The following LRPAP1 variants were observed in gnomAD, a reference collection of about 807,000 sequenced individuals.
LRPAP1 encodes LDL receptor related protein associated protein 1.
A neutral mutation model predicts 39.9 loss-of-function variants in LRPAP1; 41 were observed. That is an observed-to-expected ratio of 1.03 (90% confidence interval 0.80 to 1.33). The LOEUF (loss-of-function observed/expected upper bound fraction) is 1.33, where lower values mean the gene tolerates loss of function less well. Among genes scored for constraint, LRPAP1 ranks in the 40% most tolerant of loss-of-function variants. The probability of loss-of-function intolerance (pLI) is 0.00; values close to 1 mark genes in which losing one functional copy is unlikely to be tolerated. For missense variants in LRPAP1, 565 were observed against 482.3 expected (o/e 1.17, Z -1.61); for synonymous variants, 263 against 212.7 (o/e 1.24, Z -2.06).
At position 3,506,368 on chromosome 4, in the gene LRPAP1, A is replaced by T. The variant is rs1453490375; in HGVS notation, c.*6606T>A. ...GGCGGGAGCCACCCACACTTGGCTC[A>T]AGCTGGGTTTTTTTTTTTTTTTGAG... On this transcript the variant is annotated 3_prime_UTR_variant, in exon 8 of 8. Transcript: ENST00000650182. The T allele has an allele frequency of 7.1e-6, 1 of 141,066 alleles. No homozygotes were observed. Among genetic ancestry groups the T allele is most frequent in the Non-Finnish European group, 1.5e-5 (1 of 65,972 alleles). The allele number at this position is 141,066 out of a possible 1,614,324, so 8.7% of individuals were successfully genotyped here. A position where few individuals can be genotyped will look rare whatever the true frequency, so the allele number is the denominator to read the frequency against.
rs769044181 is a variant in LRPAP1, at chr4:3,509,023, C to T, written c.*3951G>A. On this transcript the variant is annotated 3_prime_UTR_variant, in exon 8 of 8. Transcript: ENST00000650182. ...CCATGGCCAAGGCGGGAGTTTAGGGCACAGGATTAAAGCACCACGCACAGG... is the reference window on the plus strand; with the variant it reads ...CCATGGCCAAGGCGGGAGTTTAGGGTACAGGATTAAAGCACCACGCACAGG... 4 of 152,246 alleles carry T rather than the reference C, an allele frequency of 2.6e-5. No homozygotes were observed. Among genetic ancestry groups the T allele is most frequent in the Admixed American group, 6.5e-5 (1 of 15,286 alleles). The allele number at this position is 152,246 out of a possible 1,614,324, so 9.4% of individuals were successfully genotyped here.
chr4:3,504,680 G>A lies in LRPAP1; in HGVS notation c.*8294C>T, dbSNP rs1227848216. Among the ~76,000 whole-genome samples the A allele has an allele frequency of 2.6e-5, 4 of 151,032 alleles. No individual in the cohort carries two copies. Among genetic ancestry groups the A allele is most frequent in the Non-Finnish European group, 5.9e-5 (4 of 67,896 alleles). On this transcript the variant is annotated 3_prime_UTR_variant, in exon 8 of 8. Transcript: ENST00000650182. ...CAGGAGAATTTCTTGAACCCAGGAG[G>A]TGGAGGTTGCAGTGAGCCAAGATTG...
chr4:3,526,870 C>A (rs553779436), intron 1 of LRPAP1, among the ~76,000 whole-genome samples: 1 of 152,324 alleles, frequency 6.6e-6, no homozygotes, highest in South Asian at 2.1e-4. Flanking sequence ...GAAGCCCAGC[C>A]TGACTCTGTG....
In LRPAP1 at chr4:3,512,681, GAC is replaced by G. The variant is rs1215862414; in HGVS notation, c.*291_*292del. 8.9e-6 allele frequency: 4 copies of G among 450,482 alleles called. No individual in the cohort carries two copies. The East Asian group carries it at 1.5e-4, about 17-fold the overall frequency. 27.9% of individuals were successfully genotyped at this position (450,482 alleles called of 1,614,324 possible). ...GTTTTAGCAGAGGACTATCAGACCT[GAC>G]AGCAGCTGGACATCGAGGTCCTCAC... On this transcript the variant is annotated 3_prime_UTR_variant, in exon 8 of 8. Coordinates refer to ENST00000650182, the MANE Select transcript of LRPAP1 (RefSeq NM_002337.4).
chr4:3,521,392 T>C (rs538872406), intron 2 of LRPAP1, among the ~76,000 whole-genome samples: 2 of 152,288 alleles, frequency 1.3e-5, no homozygotes. Flanking sequence ...CCTTCACCCG[T>C]GACCCTACTG....
At position 3,504,487 on chromosome 4, in the gene LRPAP1, T is replaced by C. The variant is rs6836064; in HGVS notation, c.*8487A>G. 0.073 allele frequency: 11,129 copies of C among 152,000 alleles called. 1,245 individuals carry two copies. Among genetic ancestry groups the C allele is most frequent in the African/African-American group, 0.24 (10,073 of 41,380 alleles). The allele number at this position is 152,000 out of a possible 1,614,324, so 9.4% of individuals were successfully genotyped here. ...AAATTAGGCCAGGCATGGTGGCTCA[T>C]GCCTACAATCCCAGCACTTTGGGAG... On this transcript the variant is annotated 3_prime_UTR_variant, in exon 8 of 8. Transcript: ENST00000650182.
In LRPAP1 at chr4:3,524,909, T is replaced by C. The variant is rs34897511; in HGVS notation, c.347A>G (p.Asn116Ser). The change falls in exon 2 of 8, where the codon AAT becomes AGT. Residue 116 changes from asparagine (N) to serine (S), a missense_variant and splice_region_variant. By Grantham distance (46) the Asn-to-Ser change is conservative. Transcript: ENST00000650182. ...EKEARLIRNLNVILAKYGLDG... is the reference protein window; with the variant it reads ...EKEARLIRNLSVILAKYGLDG... ...CATTAGGAAAGAAACAAACGTACCA[T>C]TGAGGTTGCGTATGAGTCTCGCTTC... 2.1e-5 allele frequency: 34 copies of C among 1,614,054 alleles called. No individual in the cohort carries two copies. The highest frequency in any genetic ancestry group is 8.9e-5 in the East Asian group (4 of 44,906).
rs1286240908 is a variant in LRPAP1 at position 3,507,379 on chromosome 4, A to C, written c.*5595T>G. The C allele has an allele frequency of 1.3e-5, 2 of 152,262 alleles. No individual in the cohort carries two copies. Among genetic ancestry groups the C allele is most frequent in the Admixed American group, 1.3e-4 (2 of 15,292 alleles). 9.4% of individuals were successfully genotyped at this position (152,262 alleles called of 1,614,324 possible). On this transcript the variant is annotated 3_prime_UTR_variant, in exon 8 of 8. Coordinates refer to ENST00000650182, the MANE Select transcript of LRPAP1 (RefSeq NM_002337.4). ...CAAGTTACTACAAAACGAAAACAAA[A>C]GAATCAAATGGATTTAATTGTCTTT...
At chr4:3,531,430 G>A (rs1730249351) in intron 1 of LRPAP1, among the ~76,000 whole-genome samples, 1 of 152,222 alleles carries the variant, frequency 6.6e-6, no homozygotes, top group Admixed American at 6.5e-5. Flanking sequence ...ATGAGATAAT[G>A]AGGCCCAGAT....
intron 2 of LRPAP1, 178 bp from the exon 3 acceptor site, chr4:3,520,371 C>T (rs778132238): frequency 1.1e-5 from 7 of 653,066 alleles, no homozygotes; most frequent in South Asian, 2.0e-5. Context: ...TGTAAACAAG[C>T]GTGGGGTCTG....
chr4:3,523,917 C>T (rs555365396), intron 2 of LRPAP1, among the ~76,000 whole-genome samples: 11 of 147,828 alleles, frequency 7.4e-5, no homozygotes, highest in African/African-American at 1.5e-4. Flanking sequence ...GAGGAGGAAA[C>T]GGAGGTGGGG....
intron 1 of LRPAP1, among the ~76,000 whole-genome samples, chr4:3,526,614 C>G (rs547486316): frequency 2.0e-5 from 3 of 152,208 alleles, no homozygotes; most frequent in Non-Finnish European, 4.4e-5. Context: ...TCAGGAGGCC[C>G]AGCCCTCAGG....
In LRPAP1 at chr4:3,518,103, G is replaced by C; in HGVS notation, c.682C>G (p.Leu228Val). The C allele has an allele frequency of 1.2e-6, 2 of 1,613,516 alleles. No individual in the cohort carries two copies. The highest frequency in any genetic ancestry group is 1.7e-6 in the Non-Finnish European group (2 of 1,179,990). ...TCCAGGCCCTGGTTGATGCTGCGCAGCTTCTCCTTCAGCTCCGTGTGCCTG... is the reference window on the plus strand; with the variant it reads ...TCCAGGCCCTGGTTGATGCTGCGCACCTTCTCCTTCAGCTCCGTGTGCCTG... ...HSRHTELKEK[L>V]RSINQGLDRL... The change falls in exon 5 of 8, where the codon CTG becomes GTG. Residue 228 changes from leucine (L) to valine (V), a missense_variant. Physicochemically the swap from Leu to Val is conservative, Grantham distance 32. Coordinates refer to ENST00000650182, the MANE Select transcript of LRPAP1 (RefSeq NM_002337.4).
chr4:3,527,708 G>T (rs953165515), intron 1 of LRPAP1, among the ~76,000 whole-genome samples: 1 of 152,196 alleles, frequency 6.6e-6, no homozygotes, highest in African/African-American at 2.4e-5. Flanking sequence ...GAGGATGCAG[G>T]TGTCCCATGA....
chr4:3,517,620 A>C, intron 5 of LRPAP1: 1 of 159,196 alleles, frequency 6.3e-6, no homozygotes, highest in South Asian at 1.8e-4. Flanking sequence ...CTGTGGCCTC[A>C]GCGGGCGTCC....
rs551901678 is a variant in LRPAP1, at chr4:3,524,128, C to G, written c.349+779G>C. ...CCCAACCCCAGTCCCACGGGCCCAC[C>G]TGGTGTGCGTCCTCTGCCCGCCAGT... On this transcript the variant is annotated intron_variant, in intron 2 of 7. Transcript: ENST00000650182. Among the ~76,000 whole-genome samples the G allele has an allele frequency of 2.6e-4, 40 of 152,316 alleles. 1 individual carries two copies. Among genetic ancestry groups the G allele is most frequent in the African/African-American group, 9.4e-4 (39 of 41,564 alleles).
rs1560247165 is a variant in LRPAP1 at position 3,506,175 on chromosome 4, G to A, written c.*6799C>T. On this transcript the variant is annotated 3_prime_UTR_variant, in exon 8 of 8. Transcript: ENST00000650182. The stretch of plus-strand genomic sequence containing the variant: ...TCTCCCAGCTTCAAGTGATTCTCGT[G>A]CCTTAGGCTCCCGAGTAGCTGGGAT... Among the ~76,000 whole-genome samples, 7 of 152,060 alleles carry A rather than the reference G, an allele frequency of 4.6e-5. No individual in the cohort carries two copies. The South Asian group carries it at 1.5e-3, about 32-fold the overall frequency.
chr4:3,518,959 TTCTTCGCCGGAGAATTTCCCAGAGG>T lies in LRPAP1; in HGVS notation c.479_503del (p.Thr160AsnfsTer26). 3 of 1,614,028 alleles carry T rather than the reference TTCTTCGCCGGAGAATTTCCCAGAGG, an allele frequency of 1.9e-6. No individual in the cohort carries two copies. The highest frequency in any genetic ancestry group is 2.5e-6 in the Non-Finnish European group (3 of 1,179,954). ...GGAACTCCCGCCAGAGCTTGTCCAG[TTCTTCGCCGGAGAATTTCCCAGAGG>T]TCTTCGCCTAAGAGGGAAACAAGGC... On this transcript the variant is annotated frameshift_variant, in exon 4 of 8. Coordinates refer to ENST00000650182, the MANE Select transcript of LRPAP1 (RefSeq NM_002337.4). LOFTEE classifies it high-confidence loss of function.
rs147649896 is a variant in LRPAP1, at chr4:3,514,976, C to T, written c.835-48G>A. The T allele has an allele frequency of 9.4e-4, 1,493 of 1,593,610 alleles. 3 individuals are homozygous for T. The highest frequency in any genetic ancestry group is 5.5e-3 in the East Asian group (246 of 44,570). On this transcript the variant is annotated intron_variant, in intron 6 of 7. Transcript: ENST00000650182. Reference sequence around the variant, plus strand: ...GAGTGTTCCCTTCCCGTGCTCGCCACGCCATCTTGTGGTCCCGGGTGAACT... The same window carrying T: ...GAGTGTTCCCTTCCCGTGCTCGCCATGCCATCTTGTGGTCCCGGGTGAACT...
Sources: gnomAD v4.1 joint callset for allele counts (sites outside exome capture counted in the v4.1 genomes callset) on GRCh38, gnomAD v4.1.1 for gene constraint, MANE v1.5 for transcripts, NCBI Gene and HGNC (gene_info 2026-07-23, HGNC 2026-07-21) for gene names.